The following TBL1XR1 variants were observed in gnomAD, a reference collection of about 807,000 sequenced individuals.
TBL1XR1 encodes TBL1X/Y related 1.
Under a neutral mutation model 66.9 loss-of-function variants are expected in TBL1XR1, and 5 were observed. That is an observed-to-expected ratio of 0.07 (90% confidence interval 0.04 to 0.16). TBL1XR1 has a LOEUF of 0.16. Ranked by LOEUF, TBL1XR1 falls within the 10% of genes least tolerant of loss-of-function variation. The probability of loss-of-function intolerance (pLI) is 1.00; values close to 1 mark genes in which losing one functional copy is unlikely to be tolerated. For synonymous variants in TBL1XR1, 210 were observed against 206.0 expected (o/e 1.02, Z -0.17); for missense variants, 238 against 623.2 (o/e 0.38, Z 6.58).
At chr3:177,101,002 C>T (rs1367971110) in intron 1 of TBL1XR1, among the ~76,000 whole-genome samples, 5 of 152,048 alleles carry the variant, frequency 3.3e-5, no homozygotes, top group Non-Finnish European at 5.9e-5. Flanking sequence ...ACTACCGGCA[C>T]GCGCCACTAC....
rs59132617 is a variant in TBL1XR1, at chr3:177,174,408, CAAA to C, written c.-122+22710_-122+22712del. Among the ~76,000 whole-genome samples the C allele has an allele frequency of 4.3e-3, 252 of 58,294 alleles. 3 individuals are homozygous for C. The highest frequency in any genetic ancestry group is 6.5e-3 in the Non-Finnish European group (215 of 32,858). 38.2% of individuals were successfully genotyped at this position (58,294 alleles called of 152,430 possible). A position where few individuals can be genotyped will look rare whatever the true frequency, so the allele number is the denominator to read the frequency against. ...TGGGTGACAGAGCGAGACTCCATCT[CAAA>C]AAAAAAAAAAAAAAAAAAAGGTTAT... On this transcript the variant is annotated intron_variant, in intron 1 of 15. Coordinates refer to ENST00000457928, the MANE Select transcript of TBL1XR1 (RefSeq NM_024665.7).
intron 2 of TBL1XR1, among the ~76,000 whole-genome samples, chr3:177,071,031 G>GTTTTTTTGTTT (rs1719917475): frequency 1.9e-5 from 2 of 104,716 alleles, no homozygotes; most frequent in Non-Finnish European, 3.7e-5. Context: ...CTGAGAATCT[G>GTTTTTTTGTTT]TTTTTTTTTT....
At chr3:177,091,909 T>C (rs1354343850) in intron 2 of TBL1XR1, among the ~76,000 whole-genome samples, 1 of 152,230 alleles carries the variant, frequency 6.6e-6, no homozygotes, top group African/African-American at 2.4e-5. Context: ...AAGCTTGATA[T>C]AATTGAATAT....
At chr3:177,148,032 A>G (rs752699884) in intron 1 of TBL1XR1, among the ~76,000 whole-genome samples, 1 of 152,206 alleles carries the variant, frequency 6.6e-6, no homozygotes, top group Non-Finnish European at 1.5e-5. Context: ...TGAAACAGAC[A>G]CTTAGCTTTT....
At chr3:177,045,730 CAG>C (rs1716243667) in intron 10 of TBL1XR1, among the ~76,000 whole-genome samples, 1 of 152,072 alleles carries the variant, frequency 6.6e-6, no homozygotes, top group Non-Finnish European at 1.5e-5. Context: ...CCATAACAAA[CAG>C]GTATTATTAT....
chr3:177,188,608 G>GT (rs1348772966), intron 1 of TBL1XR1, among the ~76,000 whole-genome samples: 4 of 152,124 alleles, frequency 2.6e-5, no homozygotes. Flanking sequence ...GCAGCCCAGA[G>GT]TTTTGTTTTT....
chr3:177,165,256 GAAA>G (rs1340751074), intron 1 of TBL1XR1, among the ~76,000 whole-genome samples: 3 of 152,104 alleles, frequency 2.0e-5, no homozygotes, highest in Non-Finnish European at 2.9e-5. Flanking sequence ...AATTTGAAGT[GAAA>G]AACACAAAAC....
chr3:177,051,414 A>G, intron 5 of TBL1XR1, 90 bp downstream of exon 5: 1 of 1,224,748 alleles, frequency 8.2e-7, no homozygotes. Flanking sequence ...TCATCTATAT[A>G]ACAAACCTGC....
chr3:177,079,541 T>A (rs1440661558), intron 2 of TBL1XR1: 1 of 152,012 alleles, frequency 6.6e-6, no homozygotes, highest in Non-Finnish European at 1.5e-5. Flanking sequence ...CTACAAATAA[T>A]TCCTGTTATA....
chr3:177,023,942 G>C lies in TBL1XR1; in HGVS notation c.*1556C>G, dbSNP rs10222515. 36,301 of 151,862 alleles carry C rather than the reference G, an allele frequency of 0.24. 4,644 individuals carry two copies. The highest frequency in any genetic ancestry group is 0.5 in the East Asian group (2,580 of 5,170). 9.4% of individuals were successfully genotyped at this position (151,862 alleles called of 1,614,324 possible). A position where few individuals can be genotyped will look rare whatever the true frequency, so the allele number is the denominator to read the frequency against. ...GACATACCTGGATTATGTTAATCAT[G>C]ACAAGCCTTATTAGTCACACATATA... On this transcript the variant is annotated 3_prime_UTR_variant, in exon 16 of 16. Transcript: ENST00000457928.
At chr3:177,032,227 C>T (rs908430140) in intron 14 of TBL1XR1, 3 of 152,032 alleles carry the variant, frequency 2.0e-5, no homozygotes, top group African/African-American at 7.2e-5. Context: ...CAGTGTATAC[C>T]TTTATACAAG....
chr3:177,182,439 A>C (rs1734939032), intron 1 of TBL1XR1, among the ~76,000 whole-genome samples: 1 of 152,154 alleles, frequency 6.6e-6, no homozygotes, highest in African/African-American at 2.4e-5. Context: ...AGGACAATTA[A>C]TTTGTGAAAC....
chr3:177,170,997 C>T (rs954243864), intron 1 of TBL1XR1, among the ~76,000 whole-genome samples: 21 of 151,664 alleles, frequency 1.4e-4, no homozygotes, highest in African/African-American at 5.1e-4. Flanking sequence ...AACTGTGGTT[C>T]AAAAGCCTTA....
intron 1 of TBL1XR1, among the ~76,000 whole-genome samples, chr3:177,159,879 T>G (rs889064550): frequency 6.6e-6 from 1 of 152,136 alleles, no homozygotes; most frequent in African/African-American, 2.4e-5. Flanking sequence ...GCAGTAAAAT[T>G]TAGGATGTCT....
intron 1 of TBL1XR1, among the ~76,000 whole-genome samples, chr3:177,135,338 C>CATAT (rs1177634107): frequency 0.027 from 591 of 22,184 alleles, 9 homozygotes; most frequent in Non-Finnish European, 0.035. Flanking sequence ...TGTGTGTATA[C>CATAT]ATATATATAT....
chr3:177,110,623 C>A (rs1725438912), intron 1 of TBL1XR1, among the ~76,000 whole-genome samples: 1 of 152,006 alleles, frequency 6.6e-6, no homozygotes, highest in African/African-American at 2.4e-5. Context: ...TTTTTCAATA[C>A]CTTCTATTGT....
intron 1 of TBL1XR1, among the ~76,000 whole-genome samples, chr3:177,136,932 A>T (rs1729064829): frequency 6.6e-6 from 1 of 152,234 alleles, no homozygotes; most frequent in South Asian, 2.1e-4. Flanking sequence ...ATGAGTGATT[A>T]GATAAATATC....
intron 1 of TBL1XR1, among the ~76,000 whole-genome samples, chr3:177,185,633 C>T (rs145413827): frequency 6.6e-6 from 1 of 151,290 alleles, no homozygotes; most frequent in African/African-American, 2.4e-5. Flanking sequence ...TATTTTCTGA[C>T]CCTTTGTCTT....
rs764951521 is a variant in TBL1XR1, at chr3:177,071,031, G to GTTTTTTTTTT, written c.-45-6019_-45-6010dup. On this transcript the variant is annotated intron_variant, in intron 2 of 15. Coordinates refer to ENST00000457928, the MANE Select transcript of TBL1XR1 (RefSeq NM_024665.7). ...TGGAACAGACATGTTCTGAGAATCT[G>GTTTTTTTTTT]TTTTTTTTTTTTTTTTTGAGACAGA... Among the ~76,000 whole-genome samples the GTTTTTTTTTT allele has an allele frequency of 4.8e-3, 507 of 104,624 alleles. 46 individuals are homozygous for GTTTTTTTTTT. The highest frequency in any genetic ancestry group is 0.013 in the African/African-American group (333 of 25,808). The allele number at this position is 104,624 out of a possible 152,430, so 68.6% of individuals were successfully genotyped here.
Sources: allele counts gnomAD v4.1 joint callset (sites outside exome capture counted in the v4.1 genomes callset), GRCh38; gene constraint gnomAD v4.1.1; transcripts MANE v1.5; gene names NCBI Gene and HGNC (gene_info 2026-07-23, HGNC 2026-07-21).